Variants in ADCY5 observed in about 807,000 individuals in gnomAD.
ADCY5 encodes adenylate cyclase 5, also known as adenylate cyclase type 5.
In ADCY5, 30 loss-of-function variants were observed where a neutral mutation model predicts 119.7. The ratio of observed to expected loss-of-function variants is 0.25; its 90% CI spans 0.19 to 0.34. ADCY5 has a LOEUF of 0.34. Among genes scored for constraint, ADCY5 ranks in the 10% least tolerant of loss-of-function variants. The probability of loss-of-function intolerance (pLI) is 1.00; values close to 1 mark genes in which losing one functional copy is unlikely to be tolerated. For synonymous variants in ADCY5, 753 were observed against 762.2 expected, an observed-to-expected ratio of 0.99 and a Z score of 0.20; for missense variants, 1,324 against 1,775.2, an observed-to-expected ratio of 0.75 and a Z score of 4.57.
In ADCY5 at chr3:123,286,660, G is replaced by GGGTGAGC; in HGVS notation, c.3657+24_3657+25insGCTCACC. On this transcript the variant is annotated intron_variant, in intron 20 of 20. Transcript: ENST00000462833. This position sits in a 1 kb window ranked among gnomAD's most constrained non-coding sequence, Gnocchi z 4.2. ...GACACAGGACCTCCCATGGGGTGAG[G>GGGTGAGC]GGTGGTGGATGCTCCTGCACTCACC... 2 of 1,587,924 alleles carry GGGTGAGC rather than the reference G, an allele frequency of 1.3e-6. No homozygotes were observed. The highest frequency in any genetic ancestry group is 1.7e-6 in the Non-Finnish European group (2 of 1,168,844).
intron 1 of ADCY5, among the ~76,000 whole-genome samples, chr3:123,432,330 T>G (rs1259531424): frequency 1.3e-5 from 2 of 152,034 alleles, no homozygotes; most frequent in Non-Finnish European, 2.9e-5. Context: ...TCCTCCCGCA[T>G]CTCTTAACAG....
rs1938431151 is a variant in ADCY5 at position 123,282,381 on chromosome 3, A to G, written c.*2227T>C. On this transcript the variant is annotated 3_prime_UTR_variant, in exon 21 of 21. Transcript: ENST00000462833. ...AATCATAATCGTATCTGTTTTTGCA[A>G]GAGTAGGAATAAAAAGAGTGCACAC... 6.6e-6 allele frequency: 1 copy of G among 152,252 alleles called. No homozygotes were observed. The highest frequency in any genetic ancestry group is 1.5e-5 in the Non-Finnish European group (1 of 68,042). 9.4% of individuals were successfully genotyped at this position (152,252 alleles called of 1,614,324 possible). A position where few individuals can be genotyped will look rare whatever the true frequency, so the allele number is the denominator to read the frequency against.
At chr3:123,362,829 A>C (rs746759881) in intron 1 of ADCY5, among the ~76,000 whole-genome samples, 16 of 152,200 alleles carry the variant, frequency 1.1e-4, no homozygotes, top group Non-Finnish European at 2.1e-4. Context: ...TTGCCAATTA[A>C]CAATAAATGG....
chr3:123,448,117 A>G lies in ADCY5; in HGVS notation c.429T>C (p.Ala143=). 9.1e-7 allele frequency: 1 copy of G among 1,094,630 alleles called. No individual in the cohort carries two copies. The highest frequency in any genetic ancestry group is 1.1e-6 in the Non-Finnish European group (1 of 904,512). 67.8% of individuals were successfully genotyped at this position (1,094,630 alleles called of 1,614,324 possible). The change falls in exon 1 of 21, where the codon GCT becomes GCC. Residue 143 remains alanine (A), a synonymous_variant. Coordinates refer to ENST00000462833, the MANE Select transcript of ADCY5 (RefSeq NM_183357.3). The stretch of plus-strand genomic sequence containing the variant: ...GCACCTCCGTCCCGCCCGCCGAGGC[A>G]GCCGCCGCCGCCGAGCCGCCGCCGC... ...AGGGGGSAAA[A]ASAGGTEVRP...
At chr3:123,336,116 T>C (rs1302821895) in intron 3 of ADCY5, among the ~76,000 whole-genome samples, 1 of 152,192 alleles carries the variant, frequency 6.6e-6, no homozygotes, top group Non-Finnish European at 1.5e-5. Context: ...GCCCGGTATC[T>C]GGTGTGGCTG....
intron 11 of ADCY5, among the ~76,000 whole-genome samples, chr3:123,314,936 C>T (rs1335356261): frequency 6.6e-6 from 1 of 151,910 alleles, no homozygotes; most frequent in Admixed American, 6.5e-5. Context: ...CTCCTCGATT[C>T]CTAGCCAGTT....
At chr3:123,358,194 G>GTGTGTGTGTT in intron 1 of ADCY5, among the ~76,000 whole-genome samples, 1 of 131,116 alleles carries the variant, frequency 7.6e-6, no homozygotes, top group Non-Finnish European at 1.7e-5. Flanking sequence ...GTGTGTGTGT[G>GTGTGTGTGTT]TAGGGAGTTG....
chr3:123,366,414 G>A (rs944609149), intron 1 of ADCY5, among the ~76,000 whole-genome samples: 3 of 152,220 alleles, frequency 2.0e-5, no homozygotes, highest in African/African-American at 7.2e-5. Flanking sequence ...AGATTCATCT[G>A]CCAAGCTCAG....
chr3:123,384,868 G>T (rs1944165512), intron 1 of ADCY5, among the ~76,000 whole-genome samples: 1 of 152,168 alleles, frequency 6.6e-6, no homozygotes, highest in Non-Finnish European at 1.5e-5. Context: ...CTCGGCCCGG[G>T]AGAGGAAGGG....
chr3:123,328,529 T>C, intron 6 of ADCY5, 115 bp downstream of exon 6: 1 of 1,283,068 alleles, frequency 7.8e-7, no homozygotes, highest in South Asian at 1.3e-5. Context: ...AGGTGCTTGC[T>C]GCCCATCCTG....
At chr3:123,423,450 A>C (rs1050725321) in intron 1 of ADCY5, among the ~76,000 whole-genome samples, 1 of 152,136 alleles carries the variant, frequency 6.6e-6, no homozygotes, top group Non-Finnish European at 1.5e-5. Flanking sequence ...TCCTTCCCAG[A>C]TCTTTAGGCG....
At chr3:123,431,987 C>T (rs781593651) in intron 1 of ADCY5, among the ~76,000 whole-genome samples, 31 of 152,120 alleles carry the variant, frequency 2.0e-4, no homozygotes, top group African/African-American at 3.9e-4. Context: ...CAGCCACTGC[C>T]GACGTACCTG....
chr3:123,313,375 G>C (rs1940698493), intron 12 of ADCY5, among the ~76,000 whole-genome samples: 1 of 152,202 alleles, frequency 6.6e-6, no homozygotes, highest in African/African-American at 2.4e-5. Flanking sequence ...AGAGGGTGCA[G>C]CTTCCAGGGG....
chr3:123,356,861 A>T (rs1266421989), intron 1 of ADCY5, among the ~76,000 whole-genome samples: 1 of 152,014 alleles, frequency 6.6e-6, no homozygotes, highest in Non-Finnish European at 1.5e-5. Context: ...TTTTTTTTCA[A>T]ATGAAATGAA....
chr3:123,373,278 A>T (rs1352844940), intron 1 of ADCY5, among the ~76,000 whole-genome samples: 1 of 152,246 alleles, frequency 6.6e-6, no homozygotes, highest in East Asian at 1.9e-4. Flanking sequence ...CTTCAGCATG[A>T]GCCAAAAATA....
chr3:123,380,526 C>A, intron 1 of ADCY5, among the ~76,000 whole-genome samples: 1 of 152,218 alleles, frequency 6.6e-6, no homozygotes, highest in East Asian at 1.9e-4. Flanking sequence ...GGCAGGGCCA[C>A]CCTCCTAAAA....
rs111681092 is a variant in ADCY5, at chr3:123,395,199, T to C, written c.1135-42618A>G. 4.2e-3 allele frequency among the ~76,000 whole-genome samples: 642 copies of C among 152,302 alleles called. 8 individuals carry two copies. The highest frequency in any genetic ancestry group is 0.015 in the African/African-American group (624 of 41,554). ...AGTCCCTTGTCCCCTGGTCTAACTA[T>C]CTGATAAATGGGCAATCCAGGGCCT... On this transcript the variant is annotated intron_variant, in intron 1 of 20. Coordinates refer to ENST00000462833, the MANE Select transcript of ADCY5 (RefSeq NM_183357.3).
intron 1 of ADCY5, among the ~76,000 whole-genome samples, chr3:123,407,286 TA>T (rs1268432299): frequency 2.6e-5 from 4 of 152,130 alleles, no homozygotes; most frequent in Non-Finnish European, 5.9e-5. Flanking sequence ...CCTCTCTTCT[TA>T]AACATGCATC....
chr3:123,437,980 A>G (rs1945650890), intron 1 of ADCY5, among the ~76,000 whole-genome samples: 1 of 152,166 alleles, frequency 6.6e-6, no homozygotes, highest in Non-Finnish European at 1.5e-5. Flanking sequence ...ATGGAGAATG[A>G]GACTTGAAAG....
Sources: gnomAD v4.1 joint callset for allele counts (sites outside exome capture counted in the v4.1 genomes callset) on GRCh38, gnomAD v4.1.1 for gene constraint, Gnocchi (gnomAD v3.1) non-coding constraint, MANE v1.5 for transcripts, NCBI Gene and HGNC (gene_info 2026-07-23, HGNC 2026-07-21) for gene names.